The following EHMT1 variants were observed in gnomAD, a reference collection of about 807,000 sequenced individuals.
The protein encoded by EHMT1 is histone-lysine N-methyltransferase EHMT1.
In EHMT1, 15 loss-of-function variants were observed where a neutral mutation model predicts 147.2. The observed-to-expected ratio is 0.10, with a 90% CI of 0.07 to 0.16. The LOEUF (loss-of-function observed/expected upper bound fraction) is 0.16. Ranked by LOEUF, EHMT1 falls within the 10% of genes least tolerant of loss-of-function variation. The pLI, the probability that EHMT1 is intolerant of heterozygous loss-of-function variation, is 1.00. For synonymous variants in EHMT1, 795 were observed against 709.6 expected, an observed-to-expected ratio of 1.12 and a Z score of -1.91; for missense variants, 1,587 against 1,772.4, an observed-to-expected ratio of 0.90 and a Z score of 1.88.
chr9:137,782,594 C>T lies in EHMT1; in HGVS notation c.2382+197C>T, dbSNP rs142932723. Among the ~76,000 whole-genome samples, 23 of 152,282 alleles carry T rather than the reference C, an allele frequency of 1.5e-4. No individual in the cohort carries two copies. Among genetic ancestry groups the T allele is most frequent in the East Asian group, 9.7e-4 (5 of 5,180 alleles). ...CCGCTGTTTCTTCCGGCATTTACCA[C>T]GGCCTTTGAGAAGAGCATGCCGCCA... On this transcript the variant is annotated intron_variant, in intron 15 of 26. Coordinates refer to ENST00000460843, the MANE Select transcript of EHMT1 (RefSeq NM_024757.5). The surrounding 1 kb of genome is among the most constrained non-coding windows in gnomAD (Gnocchi z 5.7).
intron 15 of EHMT1, chr9:137,788,077 C>T: frequency 1.5e-6 from 2 of 1,362,562 alleles, no homozygotes; most frequent in South Asian, 2.9e-5. Context: ...TCCCCCTCCA[C>T]TCTCGTGGGG....
intron 1 of EHMT1, among the ~76,000 whole-genome samples, chr9:137,630,196 C>T (rs527462334): frequency 2.6e-5 from 4 of 152,214 alleles, no homozygotes; most frequent in Non-Finnish European, 5.9e-5. Flanking sequence ...TGAGCACTTT[C>T]TGTTTATGCA....
rs966709593 is a variant in EHMT1 at position 137,755,453 on chromosome 9, C to T, written c.1369+1162C>T. On this transcript the variant is annotated intron_variant, in intron 8 of 26. Transcript: ENST00000460843. ...GAAGTGTCCCATTGTGTGGCTGCCC[C>T]ACAGTCTTATCTGTCCATTCATCCG... 3.3e-5 allele frequency among the ~76,000 whole-genome samples: 5 copies of T among 152,228 alleles called. No homozygotes were observed. The East Asian group carries it at 7.7e-4, about 23-fold the overall frequency.
intron 10 of EHMT1, among the ~76,000 whole-genome samples, chr9:137,770,186 T>C (rs1437100059): frequency 6.6e-6 from 1 of 152,194 alleles, no homozygotes; most frequent in Admixed American, 6.5e-5. Context: ...TGGGATTCCT[T>C]GTACACACGT....
chr9:137,830,151 T>C (rs1956092374), intron 25 of EHMT1, among the ~76,000 whole-genome samples: 1 of 152,132 alleles, frequency 6.6e-6, no homozygotes, highest in African/African-American at 2.4e-5. Flanking sequence ...GTTATAGCCA[T>C]TCTTATTTAA....
chr9:137,793,454 G>A (rs1952674101), intron 16 of EHMT1, among the ~76,000 whole-genome samples: 3 of 152,220 alleles, frequency 2.0e-5, no homozygotes, highest in South Asian at 2.1e-4. Context: ...GGATGTAAAC[G>A]CTGCAGCCAT....
intron 16 of EHMT1, 58 bp from the exon 17 acceptor site, chr9:137,798,755 G>A: frequency 1.4e-6 from 2 of 1,421,222 alleles, no homozygotes; most frequent in Non-Finnish European, 2.0e-6. Context: ...CGCACTCAGG[G>A]CTGGCACACC....
chr9:137,743,574 G>A (rs529993515), intron 5 of EHMT1, 46 bp downstream of exon 5: 21 of 1,612,978 alleles, frequency 1.3e-5, no homozygotes, highest in Admixed American at 1.2e-4. Context: ...GTGGAAATGC[G>A]TTTCTGTGTT....
At position 137,754,194 on chromosome 9, in the gene EHMT1, G is replaced by A. The variant is rs767202496; in HGVS notation, c.1272G>A (p.Lys424=). Residue 424 remains lysine (K), a synonymous_variant, in exon 8 of 27, where the codon AAG becomes AAA. Transcript: ENST00000460843. ...SDLSSESSIK[K]KFLKRKGKTD... ...AGAGTTCGGAATCCAGCATTAAGAA[G>A]AAATTTCTCAAGAGGAAAGGAAAGA... is the stretch of plus-strand genomic sequence containing the variant. 9.9e-6 allele frequency: 16 copies of A among 1,614,126 alleles called. No individual in the cohort carries two copies. The highest frequency in any genetic ancestry group is 1.4e-5 in the Non-Finnish European group (16 of 1,180,022).
chr9:137,730,414 TC>T (rs1356207634), intron 4 of EHMT1, among the ~76,000 whole-genome samples: 2 of 152,078 alleles, frequency 1.3e-5, no homozygotes, highest in East Asian at 3.9e-4. Context: ...CACTTTCCTG[TC>T]CGTCCACACA....
At chr9:137,641,501 A>G in intron 1 of EHMT1, 1 of 414,304 alleles carries the variant, frequency 2.4e-6, no homozygotes, top group South Asian at 1.9e-5. Context: ...GACAAATGTT[A>G]TTACCCAGAA....
At chr9:137,792,104 G>C (rs1952569791) in intron 16 of EHMT1, 1 of 469,834 alleles carries the variant, frequency 2.1e-6, no homozygotes. Flanking sequence ...ACCCAGAGAA[G>C]CCAAACAATT....
chr9:137,698,016 G>A (rs982707173), intron 1 of EHMT1, among the ~76,000 whole-genome samples: 3 of 150,474 alleles, frequency 2.0e-5, no homozygotes, highest in African/African-American at 7.4e-5. Context: ...GGTGTGGCTC[G>A]CGGAGGCCTC....
chr9:137,772,839 C>A (rs1352571354), intron 10 of EHMT1, among the ~76,000 whole-genome samples: 1 of 152,190 alleles, frequency 6.6e-6, no homozygotes, highest in African/African-American at 2.4e-5. Context: ...GTTTTTCCCA[C>A]CTTGTTAAAG....
chr9:137,730,129 G>A (rs1273152021), intron 4 of EHMT1, among the ~76,000 whole-genome samples: 4 of 152,200 alleles, frequency 2.6e-5, no homozygotes, highest in Non-Finnish European at 5.9e-5. Context: ...TGTGCAGGTC[G>A]TGGAGCGACG....
chr9:137,741,252 A>C (rs1374029074), intron 4 of EHMT1, among the ~76,000 whole-genome samples: 1 of 151,882 alleles, frequency 6.6e-6, no homozygotes, highest in Non-Finnish European at 1.5e-5. Flanking sequence ...CTGGGATTAC[A>C]ATAGGTGTGA....
intron 1 of EHMT1, among the ~76,000 whole-genome samples, chr9:137,628,438 A>C (rs1326698216): frequency 1.3e-5 from 2 of 152,210 alleles, no homozygotes; most frequent in African/African-American, 4.8e-5. Context: ...ATTTTTAATT[A>C]CACAATATAA....
intron 1 of EHMT1, among the ~76,000 whole-genome samples, chr9:137,623,037 C>T (rs1242764508): frequency 2.6e-5 from 4 of 151,570 alleles, no homozygotes; most frequent in Non-Finnish European, 5.9e-5. Flanking sequence ...ACAGTGAAAC[C>T]CTGTCTCTGC....
chr9:137,743,597 A>T (rs1195188147), intron 5 of EHMT1, 69 bp downstream of exon 5: 3 of 1,609,054 alleles, frequency 1.9e-6, no homozygotes, highest in Non-Finnish European at 2.5e-6. Context: ...GGGCCTCGTT[A>T]TCAGTAATTT....
Sources: allele counts gnomAD v4.1 joint callset (sites outside exome capture counted in the v4.1 genomes callset), GRCh38; gene constraint gnomAD v4.1.1; non-coding constraint Gnocchi (gnomAD v3.1); transcripts MANE v1.5; gene names NCBI Gene and HGNC (gene_info 2026-07-23, HGNC 2026-07-21).